The following NEBL variants were observed in gnomAD, a reference collection of about 807,000 sequenced individuals.
NEBL encodes the protein LIM and SH3 protein 2.
In NEBL, 122 loss-of-function variants were observed where a neutral mutation model predicts 140.2. The observed-to-expected ratio is 0.87, with a 90% CI of 0.75 to 1.01. The LOEUF (loss-of-function observed/expected upper bound fraction) is 1.01, where lower values mean the gene tolerates loss of function less well. NEBL is among the 50% of genes least tolerant of loss of function. NEBL has a pLI of 0.00. For missense variants in NEBL, 1,365 were observed against 1,231.3 expected, an observed-to-expected ratio of 1.11 and a Z score of -1.62; for synonymous variants, 436 against 398.9, an observed-to-expected ratio of 1.09 and a Z score of -1.11.
intron 4 of NEBL, among the ~76,000 whole-genome samples, chr10:20,911,581 G>T (rs921436546): frequency 6.6e-6 from 1 of 152,012 alleles, no homozygotes; most frequent in Non-Finnish European, 1.5e-5. Context: ...ACAACTACAA[G>T]GACATTCTCA....
rs76954003 is a variant in NEBL at position 20,815,438 on chromosome 10, T to C, written c.2241+187A>G. On this transcript the variant is annotated intron_variant, in intron 22 of 27. Transcript: ENST00000377122. Reference sequence around the variant, plus strand: ...GGTCACATCTGGAAATAACAAAGAGTTGCAAAATAATGTAAATGTTTGCAG... The same window carrying C: ...GGTCACATCTGGAAATAACAAAGAGCTGCAAAATAATGTAAATGTTTGCAG... 3.8e-3 allele frequency among the ~76,000 whole-genome samples: 582 copies of C among 152,232 alleles called. 27 individuals carry two copies. The East Asian group carries it at 0.1, about 26-fold the overall frequency.
intron 13 of NEBL, among the ~76,000 whole-genome samples, chr10:20,838,362 G>T (rs370814791): frequency 2.0e-5 from 3 of 152,198 alleles, no homozygotes; most frequent in South Asian, 2.1e-4. Context: ...AGTGGAAATA[G>T]CAAGAGAACT....
intron 13 of NEBL, among the ~76,000 whole-genome samples, chr10:20,836,954 ATGT>A (rs1349451573): frequency 6.6e-6 from 1 of 152,048 alleles, no homozygotes; most frequent in Non-Finnish European, 1.5e-5. Flanking sequence ...TAATCGAGAA[ATGT>A]TGTGTGTGTT....
intron 1 of NEBL, among the ~76,000 whole-genome samples, chr10:21,266,768 A>G (rs536603328): frequency 1.3e-5 from 2 of 152,242 alleles, no homozygotes; most frequent in African/African-American, 4.8e-5. Context: ...TTGGTTTTCA[A>G]TTGATGGAGT....
rs185263464 is a variant in NEBL, at chr10:21,154,746, A to T, written c.164+17637T>A. On this transcript the variant is annotated intron_variant, in intron 2 of 6. Transcript: ENST00000417816. The stretch of plus-strand genomic sequence containing the variant: ...TTTATTAACTCTTACTCCAAATCCA[A>T]ATCTTACACAAAATCTAAAATAATT... Among the ~76,000 whole-genome samples the T allele has an allele frequency of 4.7e-3, 716 of 152,290 alleles. 3 individuals are homozygous for T. The highest frequency in any genetic ancestry group is 0.017 in the African/African-American group (696 of 41,560).
intron 21 of NEBL, among the ~76,000 whole-genome samples, chr10:20,816,391 G>T (rs1838723198): frequency 6.6e-6 from 1 of 152,182 alleles, no homozygotes; most frequent in African/African-American, 2.4e-5. Context: ...TTTTTGTAAA[G>T]ATGTGTTTAA....
At chr10:21,199,515 T>A (rs1429361007) in intron 3 of NEBL, among the ~76,000 whole-genome samples, 1 of 152,134 alleles carries the variant, frequency 6.6e-6, no homozygotes, top group Non-Finnish European at 1.5e-5. Context: ...AATGTATGTA[T>A]CAGGCAACTG....
At chr10:21,169,068 AT>A (rs1414495246) in intron 2 of NEBL, among the ~76,000 whole-genome samples, 2,439 of 17,916 alleles carry the variant, frequency 0.14, 221 homozygotes, top group Non-Finnish European at 0.17. Context: ...AAAAAAAAAA[AT>A]ATATATATAT....
At chr10:21,074,626 C>T (rs1320720978) in intron 2 of NEBL, among the ~76,000 whole-genome samples, 2 of 151,582 alleles carry the variant, frequency 1.3e-5, no homozygotes, top group Non-Finnish European at 2.9e-5. Context: ...TGCAGGTGCA[C>T]ACCACCAAGC....
In NEBL at chr10:20,897,216, TA is replaced by T. The variant is rs1564430975; in HGVS notation, c.-12del. On this transcript the variant is annotated 5_prime_UTR_variant, in exon 1 of 28. Transcript: ENST00000377122. ...TACAGGGACCCTCATTTTTACCCTT[TA>T]AAATATTTATATTTTTAAAATTTAC... is the stretch of plus-strand genomic sequence containing the variant. 3 of 1,551,178 alleles carry T rather than the reference TA, an allele frequency of 1.9e-6. No homozygotes were observed. Among genetic ancestry groups the T allele is most frequent in the East Asian group, 4.9e-5 (2 of 41,162 alleles).
chr10:20,963,796 T>C (rs1198763432), intron 3 of NEBL, among the ~76,000 whole-genome samples: 1 of 152,202 alleles, frequency 6.6e-6, no homozygotes, highest in African/African-American at 2.4e-5. Flanking sequence ...GTTGTGTGAC[T>C]AACTTTGAGA....
intron 26 of NEBL, 75 bp from the exon 27 acceptor site, chr10:20,787,383 T>C: frequency 8.8e-7 from 1 of 1,135,342 alleles, no homozygotes. Flanking sequence ...ACCCTCAGAG[T>C]GATGTTATGC....
intron 1 of NEBL, among the ~76,000 whole-genome samples, chr10:21,254,135 A>G (rs748256303): frequency 3.3e-5 from 5 of 152,170 alleles, no homozygotes; most frequent in Non-Finnish European, 5.9e-5. Flanking sequence ...ATTTTAAAAT[A>G]ATAATGAAAA....
intron 2 of NEBL, among the ~76,000 whole-genome samples, chr10:21,024,509 CAAA>C (rs35574671): frequency 1.7e-5 from 2 of 116,580 alleles, no homozygotes; most frequent in African/African-American, 3.2e-5. Flanking sequence ...TAAGATCTTC[CAAA>C]AAAAAAAAAA....
intron 2 of NEBL, chr10:21,110,661 C>G: frequency 2.3e-6 from 1 of 434,098 alleles, no homozygotes; most frequent in Admixed American, 2.7e-5. Context: ...TCTCTCCTAC[C>G]TAAGCATATG....
chr10:21,180,770 C>G (rs1015967517), intron 3 of NEBL, among the ~76,000 whole-genome samples: 12 of 152,108 alleles, frequency 7.9e-5, no homozygotes, highest in African/African-American at 2.9e-4. Context: ...CCCAATGCCA[C>G]TGCCTTAGCT....
intron 26 of NEBL, among the ~76,000 whole-genome samples, chr10:20,800,302 C>T (rs545582291): frequency 1.3e-5 from 2 of 152,228 alleles, no homozygotes; most frequent in African/African-American, 4.8e-5. Context: ...ATGGCAGGGT[C>T]TCCTTTTTAA....
chr10:21,048,041 C>G (rs1317869466), intron 2 of NEBL, among the ~76,000 whole-genome samples: 1 of 152,186 alleles, frequency 6.6e-6, no homozygotes, highest in Admixed American at 6.5e-5. Context: ...CTGCACATCA[C>G]AATATCAACA....
At position 21,219,892 on chromosome 10, in the gene NEBL, G is replaced by A. The variant is rs1453537484; in HGVS notation, n.348+28029C>T. Among the ~76,000 whole-genome samples, 3 of 143,510 alleles carry A rather than the reference G, an allele frequency of 2.1e-5. No homozygotes were observed. The Admixed American group carries it at 2.1e-4, about 10-fold the overall frequency. The allele number at this position is 143,510 out of a possible 152,430, so 94.1% of individuals were successfully genotyped here. On this transcript the variant is annotated intron_variant and non_coding_transcript_variant, in intron 3 of 8. Transcript: ENST00000675702. ...TTTTTTTTTGGAAAGTTCATTGTTA[G>A]TGTATACAAATGCTATTAATTTTTG...
Sources: allele counts gnomAD v4.1 joint callset (sites outside exome capture counted in the v4.1 genomes callset), GRCh38; gene constraint gnomAD v4.1.1; transcripts MANE v1.5; gene names NCBI Gene and HGNC (gene_info 2026-07-23, HGNC 2026-07-21).